Variants in ERP44 observed in about 807,000 individuals in gnomAD.
ERP44 encodes the protein endoplasmic reticulum resident protein 44.
In ERP44, 25 loss-of-function variants were observed where a neutral mutation model predicts 53.4. The ratio of observed to expected loss-of-function variants is 0.47; its 90% CI spans 0.34 to 0.65. The LOEUF (loss-of-function observed/expected upper bound fraction) is 0.65. ERP44 is among the 30% of genes least tolerant of loss of function. The pLI, the probability that ERP44 is intolerant of heterozygous loss-of-function variation, is 0.01. For missense variants in ERP44, 338 were observed against 493.2 expected (o/e 0.69, Z 2.98); for synonymous variants, 145 against 161.2 (o/e 0.90, Z 0.76).
At chr9:100,083,480 T>C (rs186873563) in intron 1 of ERP44, among the ~76,000 whole-genome samples, 2 of 151,902 alleles carry the variant, frequency 1.3e-5, no homozygotes, top group East Asian at 1.9e-4. Flanking sequence ...ATGAGAAGGG[T>C]TGAAAGTACA....
chr9:100,015,186 G>A (rs963345531), intron 8 of ERP44, among the ~76,000 whole-genome samples: 2 of 152,200 alleles, frequency 1.3e-5, no homozygotes, highest in African/African-American at 4.8e-5. Flanking sequence ...TCTAAGTAGT[G>A]ATTATATGGG....
In ERP44 at chr9:100,016,375, T is replaced by A. The variant is rs754294679; in HGVS notation, c.709A>T (p.Ile237Phe). The change falls in exon 8 of 12, where the codon ATT becomes TTT. Residue 237 changes from isoleucine (I) to phenylalanine (F), a missense_variant. By Grantham distance (21) the Ile-to-Phe change is conservative. Around this residue, in one of 3 missense-constraint regions of ERP44, gnomAD observed 224 missense variants for 301.4 expected, o/e 0.74. Transcript: ENST00000262455. Reference protein sequence around the residue: ...MTNFDVTYNWIQDKCVPLVRE... With the variant: ...MTNFDVTYNWFQDKCVPLVRE... ...ACAAGAGGAACACATTTATCTTGAA[T>A]CCAATTGTAAGTCACATCAAAATTT... is the stretch of plus-strand genomic sequence containing the variant. 6.2e-7 allele frequency: 1 copy of A among 1,612,914 alleles called. No homozygotes were observed.
rs939703849 is a variant in ERP44, at chr9:100,098,985, C to A, written c.-145G>T. The A allele has an allele frequency of 3.1e-5, 20 of 643,306 alleles. 1 individual carries two copies. Among genetic ancestry groups the A allele is most frequent in the African/African-American group, 2.2e-4 (12 of 54,602 alleles). The allele number at this position is 643,306 out of a possible 1,614,324, so 39.8% of individuals were successfully genotyped here. A position where few individuals can be genotyped will look rare whatever the true frequency, so the allele number is the denominator to read the frequency against. ...CGGCACCTCGTCCTCTCGACCCGGG[C>A]TCCAGCGGCGAACACCCGGGACAAC... On this transcript the variant is annotated 5_prime_UTR_variant, in exon 1 of 12. Coordinates refer to ENST00000262455, the MANE Select transcript of ERP44 (RefSeq NM_015051.3).
chr9:99,985,053 T>G lies in ERP44; in HGVS notation c.1033A>C (p.Lys345Gln). Residue 345 changes from lysine (K) to glutamine (Q), a missense_variant, in exon 11 of 12, where the codon AAG becomes CAG. Transcript: ENST00000262455. ...FKDVLIPGKLKQFVFDLHSGK... is the reference protein window; with the variant it reads ...FKDVLIPGKLQQFVFDLHSGK... ...GAATGTAAGTCAAATACGAATTGCT[T>G]GAGTTTTCCAGGAATTCTAAAACCA... 6.2e-7 allele frequency: 1 copy of G among 1,610,878 alleles called. No homozygotes were observed. The highest frequency in any genetic ancestry group is 8.5e-7 in the Non-Finnish European group (1 of 1,177,158).
chr9:100,036,334 T>C (rs1825848389), intron 4 of ERP44, among the ~76,000 whole-genome samples: 1 of 152,238 alleles, frequency 6.6e-6, no homozygotes, highest in Non-Finnish European at 1.5e-5. Context: ...TGAAATCATG[T>C]CCTTTGCAGC....
At position 99,982,526 on chromosome 9, in the gene ERP44, A is replaced by G; in HGVS notation, c.*86T>C. On this transcript the variant is annotated 3_prime_UTR_variant, in exon 12 of 12. Coordinates refer to ENST00000262455, the MANE Select transcript of ERP44 (RefSeq NM_015051.3). Reference sequence around the variant, plus strand: ...CTGTTTATTCAAAATAAAAATACACATAGAATTATGAAAATATAGGTTTAC... The same window carrying G: ...CTGTTTATTCAAAATAAAAATACACGTAGAATTATGAAAATATAGGTTTAC... The G allele has an allele frequency of 1.7e-6, 1 of 600,374 alleles. No homozygotes were observed. The highest frequency in any genetic ancestry group is 6.7e-5 in the South Asian group (1 of 14,962). The allele number at this position is 600,374 out of a possible 1,614,324, so 37.2% of individuals were successfully genotyped here.
At chr9:100,049,076 T>C (rs1007972512) in intron 4 of ERP44, among the ~76,000 whole-genome samples, 3 of 152,114 alleles carry the variant, frequency 2.0e-5, no homozygotes, top group African/African-American at 7.2e-5. Context: ...AAATTACATA[T>C]GTGAAAAAAG....
chr9:100,067,967 C>G (rs553279997), intron 1 of ERP44, among the ~76,000 whole-genome samples: 1 of 151,630 alleles, frequency 6.6e-6, no homozygotes, highest in Non-Finnish European at 1.5e-5. Context: ...GCAGCCACCC[C>G]GTCCGGGAGG....
intron 8 of ERP44, among the ~76,000 whole-genome samples, chr9:100,011,161 A>C (rs1830472780): frequency 1.3e-5 from 2 of 152,216 alleles, no homozygotes; most frequent in Admixed American, 1.3e-4. Flanking sequence ...GTTAAAAAAA[A>C]ACATAAGTAT....
intron 8 of ERP44, among the ~76,000 whole-genome samples, chr9:100,009,315 T>C (rs1033128617): frequency 6.6e-6 from 1 of 152,152 alleles, no homozygotes; most frequent in African/African-American, 2.4e-5. Context: ...GGTTTCACCA[T>C]GTTGGCCAGG....
intron 8 of ERP44, among the ~76,000 whole-genome samples, chr9:100,013,968 T>C (rs1830502714): frequency 6.6e-6 from 1 of 152,180 alleles, no homozygotes; most frequent in South Asian, 2.1e-4. Context: ...TGAAAATGAA[T>C]GAACTACAGC....
chr9:99,995,474 T>G (rs969814888), intron 10 of ERP44, among the ~76,000 whole-genome samples: 1 of 152,230 alleles, frequency 6.6e-6, no homozygotes, highest in Non-Finnish European at 1.5e-5. Flanking sequence ...AGGTCCTTTA[T>G]AGATGCCCTT....
intron 11 of ERP44, among the ~76,000 whole-genome samples, chr9:99,983,019 C>T (rs1028287046): frequency 1.3e-5 from 2 of 152,100 alleles, no homozygotes; most frequent in African/African-American, 4.8e-5. Context: ...CTAGACTAGT[C>T]GACAGAGACA....
intron 1 of ERP44, among the ~76,000 whole-genome samples, chr9:100,062,482 G>C (rs1453828066): frequency 5.3e-5 from 8 of 151,866 alleles, no homozygotes; most frequent in Non-Finnish European, 1.0e-4. Flanking sequence ...AAAAACTTAA[G>C]AAGGCAGAAA....
chr9:100,043,387 G>C (rs1056971953), intron 4 of ERP44, among the ~76,000 whole-genome samples: 4 of 148,472 alleles, frequency 2.7e-5, no homozygotes, highest in Non-Finnish European at 5.9e-5. Flanking sequence ...CGTATGATTC[G>C]ATCTCAATCG....
At chr9:100,004,392 C>A (rs928031260) in intron 10 of ERP44, among the ~76,000 whole-genome samples, 60 of 152,288 alleles carry the variant, frequency 3.9e-4, no homozygotes, top group African/African-American at 1.4e-3. Context: ...TGGAATAGGT[C>A]CAGAGACTGA....
Position 100,022,204 on chromosome 9 carries a change from C to A in ERP44, c.309G>T (p.Arg103Ser). The change falls in exon 5 of 12, where the codon AGG becomes AGT. Residue 103 changes from arginine (R) to serine (S), a missense_variant. Coordinates refer to ENST00000262455, the MANE Select transcript of ERP44 (RefSeq NM_015051.3). ...DQHSDIAQRYRISKYPTLKLF... is the reference protein window; with the variant it reads ...DQHSDIAQRYSISKYPTLKLF... ...ATTTGAGGGTTGGGTATTTGCTTAT[C>A]CTGTATCTCTGGGCTATGTCAGCTA... is the stretch of plus-strand genomic sequence containing the variant. 6.2e-7 allele frequency: 1 copy of A among 1,612,920 alleles called. No individual in the cohort carries two copies. The highest frequency in any genetic ancestry group is 8.5e-7 in the Non-Finnish European group (1 of 1,179,448).
intron 1 of ERP44, among the ~76,000 whole-genome samples, chr9:100,070,794 A>G (rs1158686537): frequency 6.6e-6 from 1 of 152,244 alleles, no homozygotes; most frequent in Non-Finnish European, 1.5e-5. Context: ...GCAAGCTGCC[A>G]TATCGGATGA....
chr9:100,051,822 C>G (rs1826041205), intron 4 of ERP44, among the ~76,000 whole-genome samples: 1 of 152,140 alleles, frequency 6.6e-6, no homozygotes, highest in Non-Finnish European at 1.5e-5. Context: ...ATAGAGAATG[C>G]TCCACCAGGA....
Sources: gnomAD v4.1 joint callset for allele counts (sites outside exome capture counted in the v4.1 genomes callset) on GRCh38, gnomAD v4.1.1 for gene constraint, gnomAD v4.1.1 regional missense constraint, MANE v1.5 for transcripts, NCBI Gene and HGNC (gene_info 2026-07-23, HGNC 2026-07-21) for gene names.